The following TMEM255B variants were observed in gnomAD, a reference collection of about 807,000 sequenced individuals.
TMEM255B encodes the protein family with sequence similarity 70, member B.
TMEM255B carries 35 observed loss-of-function variants against 34.5 expected under a neutral mutation model. The ratio of observed to expected loss-of-function variants is 1.01; its 90% CI spans 0.77 to 1.34. TMEM255B has a LOEUF of 1.34. Among genes scored for constraint, TMEM255B ranks in the 40% most tolerant of loss-of-function variants. The probability of loss-of-function intolerance (pLI) is 0.00; values close to 1 mark genes in which losing one functional copy is unlikely to be tolerated. For missense variants in TMEM255B, 432 were observed against 433.2 expected (o/e 1.00, Z 0.02); for synonymous variants, 206 against 201.2 (o/e 1.02, Z -0.20).
intron 8 of TMEM255B, among the ~76,000 whole-genome samples, chr13:113,805,593 G>A (rs1380663605): frequency 6.6e-6 from 1 of 152,190 alleles, no homozygotes; most frequent in Non-Finnish European, 1.5e-5. Flanking sequence ...CTGTGCTGTG[G>A]CCATGGGTGA....
At position 113,812,752 on chromosome 13, in the gene TMEM255B, C is replaced by G. The variant is rs1030241403; in HGVS notation, c.*849C>G. On this transcript the variant is annotated 3_prime_UTR_variant, in exon 9 of 9. Coordinates refer to ENST00000375353, the MANE Select transcript of TMEM255B (RefSeq NM_182614.4). ...GAGACGGGTGAGCACGCCTGGGAAG[C>G]AGCAGGTCCCGGGTGGGTCACAGGC... 2 of 129,414 alleles carry G rather than the reference C, an allele frequency of 1.5e-5. No homozygotes were observed. Among genetic ancestry groups the G allele is most frequent in the African/African-American group, 6.1e-5 (2 of 32,752 alleles). The allele number at this position is 129,414 out of a possible 1,614,324, so 8.0% of individuals were successfully genotyped here.
At chr13:113,791,645 C>T (rs1453588929) in intron 3 of TMEM255B, among the ~76,000 whole-genome samples, 5 of 152,166 alleles carry the variant, frequency 3.3e-5, no homozygotes, top group East Asian at 1.9e-4. Context: ...TCCTTAGAGC[C>T]GCACCTGCAA....
chr13:113,799,845 C>T lies in TMEM255B; in HGVS notation c.423+426C>T, dbSNP rs184774420. 8.4e-4 allele frequency: 581 copies of T among 690,664 alleles called. 2 individuals carry two copies. Among genetic ancestry groups the T allele is most frequent in the African/African-American group, 8.1e-3 (450 of 55,756 alleles). The allele number at this position is 690,664 out of a possible 1,614,324, so 42.8% of individuals were successfully genotyped here. A position where few individuals can be genotyped will look rare whatever the true frequency, so the allele number is the denominator to read the frequency against. On this transcript the variant is annotated intron_variant, in intron 5 of 8. Transcript: ENST00000375353. ...GAGTGAGATGCGGGGAGTAATGACCCGCGGGCGGCCGCCGCCTTCGCCAGG... is the reference window on the plus strand; with the variant it reads ...GAGTGAGATGCGGGGAGTAATGACCTGCGGGCGGCCGCCGCCTTCGCCAGG...
In TMEM255B at chr13:113,792,051, C is replaced by T. The variant is rs188865496; in HGVS notation, c.253-3097C>T. On this transcript the variant is annotated intron_variant, in intron 3 of 8. Transcript: ENST00000375353. Reference sequence around the variant, plus strand: ...CTGGGGACGCGGCCCCGCTGGAGGCCGGCTTTCATCTTCCTCTGGGAAGGT... The same window carrying T: ...CTGGGGACGCGGCCCCGCTGGAGGCTGGCTTTCATCTTCCTCTGGGAAGGT... Among the ~76,000 whole-genome samples the T allele has an allele frequency of 1.9e-3, 284 of 152,346 alleles. 3 individuals carry two copies. Among genetic ancestry groups the T allele is most frequent in the African/African-American group, 6.4e-3 (266 of 41,576 alleles).
intron 8 of TMEM255B, among the ~76,000 whole-genome samples, chr13:113,807,864 C>T (rs113193503): frequency 0.026 from 3,411 of 131,718 alleles, 65 homozygotes; most frequent in Admixed American, 0.046. Context: ...GCTTACGGGA[C>T]GTGGGGGGCA....
chr13:113,775,138 C>T (rs377262430), intron 3 of TMEM255B, among the ~76,000 whole-genome samples: 4 of 150,648 alleles, frequency 2.7e-5, no homozygotes, highest in South Asian at 2.1e-4. Context: ...CTACACACAC[C>T]ACATATATGA....
chr13:113,791,708 G>T (rs903251590), intron 3 of TMEM255B, among the ~76,000 whole-genome samples: 1 of 152,234 alleles, frequency 6.6e-6, no homozygotes. Flanking sequence ...AGGATGGGTC[G>T]AGCGAAAGAA....
At chr13:113,811,522 G>T (rs1249023351) in intron 8 of TMEM255B, among the ~76,000 whole-genome samples, 1 of 147,714 alleles carries the variant, frequency 6.8e-6, no homozygotes, top group African/African-American at 2.5e-5. Context: ...TCTGCGGGGG[G>T]CCCTGTGTGA....
chr13:113,808,845 G>A (rs1232198470), intron 8 of TMEM255B, among the ~76,000 whole-genome samples: 2 of 132,650 alleles, frequency 1.5e-5, no homozygotes, highest in Admixed American at 8.3e-5. Context: ...GTTCCTGGGG[G>A]TTTACTCCTT....
intron 3 of TMEM255B, 82 bp from the exon 4 acceptor site, chr13:113,795,066 C>T (rs773621529): frequency 3.0e-6 from 4 of 1,315,654 alleles, no homozygotes; most frequent in Admixed American, 1.9e-5. Context: ...GCCCCGACCT[C>T]GAGCTGGGAC....
chr13:113,800,813 C>G lies in TMEM255B; in HGVS notation c.424-14C>G. 6.3e-7 allele frequency: 1 copy of G among 1,598,404 alleles called. No individual in the cohort carries two copies. Among genetic ancestry groups the G allele is most frequent in the Non-Finnish European group, 8.5e-7 (1 of 1,172,988 alleles). ...GGCACCGGCATGTGACCTGACAAGG[C>G]CTCTCTGCCCCAGGTCACCTGTCAC... On this transcript the variant is annotated splice_polypyrimidine_tract_variant and intron_variant, in intron 5 of 8. Transcript: ENST00000375353.
intron 8 of TMEM255B, among the ~76,000 whole-genome samples, chr13:113,809,604 G>A (rs532624738): frequency 1.4e-5 from 2 of 147,976 alleles, no homozygotes; most frequent in South Asian, 2.2e-4. Flanking sequence ...GGTTTACTCC[G>A]TGGTTCCTGA....
At chr13:113,798,098 T>G (rs940675775) in intron 4 of TMEM255B, among the ~76,000 whole-genome samples, 1 of 151,998 alleles carries the variant, frequency 6.6e-6, no homozygotes, top group Non-Finnish European at 1.5e-5. Flanking sequence ...GAAGGATGGA[T>G]AATGGGTGGA....
chr13:113,807,480 C>G (rs1465406330), intron 8 of TMEM255B, among the ~76,000 whole-genome samples: 2 of 127,808 alleles, frequency 1.6e-5, no homozygotes, highest in African/African-American at 6.1e-5. Flanking sequence ...CTCCCCGTCA[C>G]ACGCGGGCTT....
chr13:113,801,892 C>T (rs527445994), intron 7 of TMEM255B, 80 bp downstream of exon 7: 26 of 1,413,450 alleles, frequency 1.8e-5, no homozygotes, highest in Middle Eastern at 2.5e-4. Flanking sequence ...GGCTGGGGGG[C>T]CTCCAGCCCT....
At chr13:113,782,675 A>AG (rs891223193) in intron 3 of TMEM255B, among the ~76,000 whole-genome samples, 18 of 129,268 alleles carry the variant, frequency 1.4e-4, no homozygotes, top group East Asian at 6.7e-4. Context: ...TGATGGTCGG[A>AG]GGGGGGGGCT....
intron 8 of TMEM255B, among the ~76,000 whole-genome samples, chr13:113,809,759 G>A (rs1384628849): frequency 6.6e-6 from 1 of 152,082 alleles, no homozygotes; most frequent in Non-Finnish European, 1.5e-5. Flanking sequence ...GGTTCCTGGG[G>A]TTTATCTGTG....
chr13:113,768,813 G>A lies in TMEM255B; in HGVS notation c.190-285G>A, dbSNP rs901523585. ...GGGTTCCCGAAAAGATGTTGTCTCT[G>A]GGGGAGGAGTGGGAACTTCTCTTAC... On this transcript the variant is annotated intron_variant, in intron 2 of 8. Coordinates refer to ENST00000375353, the MANE Select transcript of TMEM255B (RefSeq NM_182614.4). 7 of 528,280 alleles carry A rather than the reference G, an allele frequency of 1.3e-5. No individual in the cohort carries two copies. In the African/African-American group the frequency reaches 1.3e-4, roughly 10 times the overall value. 32.7% of individuals were successfully genotyped at this position (528,280 alleles called of 1,614,324 possible). A position where few individuals can be genotyped will look rare whatever the true frequency, so the allele number is the denominator to read the frequency against.
At chr13:113,799,722 A>G (rs979277420) in intron 5 of TMEM255B, 1 of 697,922 alleles carries the variant, frequency 1.4e-6, no homozygotes, top group Admixed American at 2.1e-5. Context: ...AATTATTGCA[A>G]TAAGAAGCAA....
Sources: gnomAD v4.1 joint callset for allele counts (sites outside exome capture counted in the v4.1 genomes callset) on GRCh38, gnomAD v4.1.1 for gene constraint, MANE v1.5 for transcripts, NCBI Gene and HGNC (gene_info 2026-07-23, HGNC 2026-07-21) for gene names.